The following HELQ variants were observed in gnomAD, a reference collection of about 807,000 sequenced individuals.
HELQ encodes the protein helicase, POLQ like, also known as helicase POLQ-like.
HELQ carries 77 observed loss-of-function variants against 111.6 expected under a neutral mutation model. That is an observed-to-expected ratio of 0.69 (90% CI 0.57 to 0.83). The LOEUF (loss-of-function observed/expected upper bound fraction) is 0.83. HELQ is among the 40% of genes least tolerant of loss of function. HELQ has a pLI of 0.00. For missense variants in HELQ, 1,200 were observed against 1,288.5 expected (o/e 0.93, Z 1.05); for synonymous variants, 438 against 454.7 (o/e 0.96, Z 0.47).
chr4:83,440,297 T>C lies in HELQ; in HGVS notation c.1663-289A>G, dbSNP rs185949989. The stretch of plus-strand genomic sequence containing the variant: ...TTAAAGAAGTGAAAATAGTTAATGT[T>C]ATTAATAGCCTCACTACATGCCCAT... On this transcript the variant is annotated intron_variant, in intron 7 of 17. Transcript: ENST00000295488. Among the ~76,000 whole-genome samples the C allele has an allele frequency of 2.0e-4, 30 of 152,290 alleles. 1 individual carries two copies. The East Asian group carries it at 5.6e-3, about 28-fold the overall frequency.
At chr4:83,444,623 A>T (rs1720956319) in intron 5 of HELQ, among the ~76,000 whole-genome samples, 1 of 152,204 alleles carries the variant, frequency 6.6e-6, no homozygotes, top group African/African-American at 2.4e-5. Flanking sequence ...AGACTTAACT[A>T]TTGAATGAAA....
chr4:83,431,521 A>G (rs1469394631), intron 11 of HELQ, 143 bp downstream of exon 11: 1 of 321,440 alleles, frequency 3.1e-6, no homozygotes, highest in African/African-American at 2.2e-5. Context: ...ACAAAATTAA[A>G]AAGAAAAAAA....
At chr4:83,423,419 T>C (rs979172925) in intron 14 of HELQ, among the ~76,000 whole-genome samples, 1 of 152,220 alleles carries the variant, frequency 6.6e-6, no homozygotes, top group East Asian at 1.9e-4. Flanking sequence ...ATCACTTTTT[T>C]AAAAGCATTA....
intron 1 of HELQ, among the ~76,000 whole-genome samples, chr4:83,455,029 T>G (rs1721673270): frequency 6.6e-6 from 1 of 152,216 alleles, no homozygotes; most frequent in African/African-American, 2.4e-5. Context: ...GAGCAAGAAC[T>G]GTACTATCTC....
At chr4:83,454,712 C>G (rs1721642517) in intron 1 of HELQ, among the ~76,000 whole-genome samples, 1 of 151,888 alleles carries the variant, frequency 6.6e-6, no homozygotes, top group South Asian at 2.1e-4. Context: ...TAGGCATGAG[C>G]CACTGCACAC....
chr4:83,411,157 C>CAAAAAAAA (rs35424076), intron 17 of HELQ, among the ~76,000 whole-genome samples: 3 of 67,146 alleles, frequency 4.5e-5, no homozygotes, highest in Non-Finnish European at 6.5e-5. Flanking sequence ...GACCTTGTCT[C>CAAAAAAAA]AAAAAAAAAA....
intron 15 of HELQ, 57 bp downstream of exon 15, chr4:83,421,506 G>A: frequency 2.2e-6 from 3 of 1,334,584 alleles, no homozygotes; most frequent in Non-Finnish European, 3.2e-6. Flanking sequence ...TATTAGTTTA[G>A]TAACAGTTAA....
At chr4:83,430,365 CTAAAATG>C (rs1720077242) in intron 11 of HELQ, among the ~76,000 whole-genome samples, 1 of 151,728 alleles carries the variant, frequency 6.6e-6, no homozygotes, top group Admixed American at 6.6e-5. Flanking sequence ...AATATTTTGC[CTAAAATG>C]TTACCTAAAA....
In HELQ at chr4:83,442,995, A is replaced by G. The variant is rs558376918; in HGVS notation, c.1563+522T>C. 2.9e-4 allele frequency among the ~76,000 whole-genome samples: 44 copies of G among 152,322 alleles called. 2 individuals carry two copies. In the South Asian group the frequency reaches 8.3e-3, roughly 29 times the overall value. ...ATATATACATTACAAGCTATTTTCA[A>G]ATAACCACAAATTACATTTGTTTAC... On this transcript the variant is annotated intron_variant, in intron 6 of 17. Coordinates refer to ENST00000295488, the MANE Select transcript of HELQ (RefSeq NM_133636.5).
Position 83,434,964 on chromosome 4 carries a change from T to C in HELQ, c.2048+1894A>G, listed in dbSNP as rs1720372487. ...AAAAATTACTCAAAGAAGAAAGGCA[T>C]AAAGCTTAGATTAAAAGCATCCACC... On this transcript the variant is annotated intron_variant, in intron 9 of 17. Transcript: ENST00000295488. Among the ~76,000 whole-genome samples, 3 of 152,054 alleles carry C rather than the reference T, an allele frequency of 2.0e-5. No individual in the cohort carries two copies. In the South Asian group the frequency reaches 6.2e-4, roughly 32 times the overall value.
rs1721742533 is a variant in HELQ at position 83,455,646 on chromosome 4, T to C, written c.48A>G (p.Lys16=). 3 of 1,613,026 alleles carry C rather than the reference T, an allele frequency of 1.9e-6. No homozygotes were observed. Among genetic ancestry groups the C allele is most frequent in the Non-Finnish European group, 2.5e-6 (3 of 1,179,946 alleles). ...TACACCCCAAGCTTGGACGGTTCCT[T>C]TTGGGGAGAGACACCCGCCGGCGGA... ...SRIRRRVSLP[K]RNRPSLGCIF... The change falls in exon 1 of 18, where the codon AAA becomes AAG. Residue 16 remains lysine (K), a synonymous_variant. Transcript: ENST00000295488.
chr4:83,441,316 G>C lies in HELQ; in HGVS notation c.1651C>G (p.Leu551Val). The change falls in exon 7 of 18, where the codon CTT becomes GTT. Residue 551 changes from leucine (L) to valine (V), a missense_variant. Coordinates refer to ENST00000295488, the MANE Select transcript of HELQ (RefSeq NM_133636.5). ...GTTATCAATGTTACCTTATAATTAA[G>C]AAGACGTGAAAAAGTCATGCCATTC... Reference protein sequence around the residue: ...AENGMTFSRLLNYKYSDTLKK... With the variant: ...AENGMTFSRLVNYKYSDTLKK... 1 of 1,565,480 alleles carries C rather than the reference G, an allele frequency of 6.4e-7. No individual in the cohort carries two copies. Among genetic ancestry groups the C allele is most frequent in the East Asian group, 2.3e-5 (1 of 44,300 alleles).
At chr4:83,449,368 A>C (rs563135463) in intron 2 of HELQ, among the ~76,000 whole-genome samples, 2 of 152,360 alleles carry the variant, frequency 1.3e-5, no homozygotes, top group South Asian at 4.1e-4. Context: ...CATTCAGCCA[A>C]AAGCCATCTC....
intron 8 of HELQ, among the ~76,000 whole-genome samples, chr4:83,438,996 C>T (rs1720615484): frequency 6.6e-6 from 1 of 152,078 alleles, no homozygotes; most frequent in African/African-American, 2.4e-5. Context: ...TCACTATGCA[C>T]CCAAGGTTTT....
At position 83,455,585 on chromosome 4, in the gene HELQ, C is replaced by T; in HGVS notation, c.109G>A (p.Gly37Arg). The change falls in exon 1 of 18, where the codon GGA becomes AGA. Residue 37 changes from glycine to arginine, a missense_variant. This residue lies in a region of HELQ where 610 missense variants were observed against 607.1 expected (regional missense o/e 1.00). Coordinates refer to ENST00000295488, the MANE Select transcript of HELQ (RefSeq NM_133636.5). The stretch of plus-strand genomic sequence containing the variant: ...TCCTCCTCCTCTTTCCCCTCATCTC[C>T]GGGCACGAGCTCGGCCGCGGTGGGA... ...GAPTAAELVP[G>R]DEGKEEEEMV... 2 of 1,614,130 alleles carry T rather than the reference C, an allele frequency of 1.2e-6. No individual in the cohort carries two copies. Among genetic ancestry groups the T allele is most frequent in the East Asian group, 2.2e-5 (1 of 44,874 alleles).
chr4:83,435,113 T>C (rs1720380941), intron 9 of HELQ, among the ~76,000 whole-genome samples: 2 of 152,316 alleles, frequency 1.3e-5, no homozygotes, highest in Non-Finnish European at 2.9e-5. Flanking sequence ...GTTATGTAAC[T>C]TTTTAAAGTT....
intron 3 of HELQ, among the ~76,000 whole-genome samples, chr4:83,447,534 T>G (rs886731491): frequency 1.3e-5 from 2 of 152,110 alleles, no homozygotes; most frequent in African/African-American, 4.8e-5. Flanking sequence ...CTAAAATACA[T>G]GTGAAAATAA....
Position 83,448,931 on chromosome 4 carries a change from G to C in HELQ, c.1043C>G (p.Ser348Cys), listed in dbSNP as rs764392725. 1 of 1,605,308 alleles carries C rather than the reference G, an allele frequency of 6.2e-7. No homozygotes were observed. Among genetic ancestry groups the C allele is most frequent in the Admixed American group, 1.7e-5 (1 of 59,398 alleles). Reference protein sequence around the residue: ...EWQHTCLTLNSVQERKNLIYS... With the variant: ...EWQHTCLTLNCVQERKNLIYS... ...TATTAAATTTTTTCTTTCTTGCACA[G>C]AATTCAATGTTAAACAAGTATGTTG... The change falls in exon 3 of 18, where the codon TCT (serine) becomes TGT (cysteine). Residue 348 changes from serine (S) to cysteine (C), a missense_variant. Ser to Cys is a moderately radical substitution (Grantham distance 112). This residue lies in a region of HELQ where 610 missense variants were observed against 607.1 expected (regional missense o/e 1.00). Coordinates refer to ENST00000295488, the MANE Select transcript of HELQ (RefSeq NM_133636.5).
At chr4:83,411,948 C>T (rs764764187) in intron 17 of HELQ, among the ~76,000 whole-genome samples, 13 of 152,122 alleles carry the variant, frequency 8.5e-5, no homozygotes, top group Non-Finnish European at 1.3e-4. Flanking sequence ...TGAGCCTGAA[C>T]TCTTGAACTT....
Sources: allele counts gnomAD v4.1 joint callset (sites outside exome capture counted in the v4.1 genomes callset), GRCh38; gene constraint gnomAD v4.1.1; regional missense constraint gnomAD v4.1.1; transcripts MANE v1.5; gene names NCBI Gene and HGNC (gene_info 2026-07-23, HGNC 2026-07-21).